Variants in DDIT4 observed in about 807,000 individuals in gnomAD.
DDIT4 encodes DNA damage inducible transcript 4.
Under a neutral mutation model 20.2 loss-of-function variants are expected in DDIT4, and 20 were observed. That is an observed-to-expected ratio of 0.99 (90% CI 0.70 to 1.44). The LOEUF (loss-of-function observed/expected upper bound fraction) is 1.44, where lower values mean the gene tolerates loss of function less well. Among genes scored for constraint, DDIT4 ranks in the 40% most tolerant of loss-of-function variants. The pLI is 0.00. For missense variants in DDIT4, 316 were observed against 298.1 expected (o/e 1.06, Z -0.44); for synonymous variants, 152 against 144.6 (o/e 1.05, Z -0.37).
chr10:72,274,427 C>A lies in DDIT4; in HGVS notation c.205+6C>A. On this transcript the variant is annotated splice_donor_region_variant and intron_variant, in intron 2 of 2. Transcript: ENST00000307365. ...TGGCTTCGGGCCGGAGGAAGGTGAGCGGTGGGCGGGTGCCGACGCGACTCG... is the reference window on the plus strand; with the variant it reads ...TGGCTTCGGGCCGGAGGAAGGTGAGAGGTGGGCGGGTGCCGACGCGACTCG... 1.3e-6 allele frequency: 2 copies of A among 1,549,084 alleles called. No homozygotes were observed. The highest frequency in any genetic ancestry group is 1.7e-6 in the Non-Finnish European group (2 of 1,151,002).
chr10:72,274,647 C>G (rs765574596), intron 2 of DDIT4, 48 bp from the exon 3 acceptor site: 1 of 1,544,956 alleles, frequency 6.5e-7, no homozygotes, highest in Admixed American at 2.0e-5. Context: ...CTGTGCGTTT[C>G]GTTTTGAAGC....
At position 72,274,000 on chromosome 10, in the gene DDIT4, C is replaced by CATT; in HGVS notation, c.-120_-119insTTA. 1 of 479,108 alleles carries CATT rather than the reference C, an allele frequency of 2.1e-6. No homozygotes were observed. The highest frequency in any genetic ancestry group is 3.7e-6 in the Non-Finnish European group (1 of 268,396). The allele number at this position is 479,108 out of a possible 1,614,324, so 29.7% of individuals were successfully genotyped here. A position where few individuals can be genotyped will look rare whatever the true frequency, so the allele number is the denominator to read the frequency against. The stretch of plus-strand genomic sequence containing the variant: ...GCTCTCGGTGGTTGGCACGGGTTCG[C>CATT]ACACCCATTCAAGCGGCAGGACGCA... On this transcript the variant is annotated 5_prime_UTR_variant, in exon 1 of 3. Transcript: ENST00000307365.
rs756710581 is a variant in DDIT4 at position 72,274,226 on chromosome 10, C to T, written c.10C>T (p.Leu4Phe). The T allele has an allele frequency of 3.0e-5, 49 of 1,613,540 alleles. No individual in the cohort carries two copies. The East Asian group carries it at 9.8e-4, about 32-fold the overall frequency. The part of the protein sequence containing the change: MPS[L>F]WDRFSSSSTS... ...GGCGTCTGTCCTCACCATGCCTAGC[C>T]TTTGGGACCGCTTCTCGTCGTCGTC... The change falls in exon 2 of 3, where the codon CTT becomes TTT. Residue 4 changes from leucine (L) to phenylalanine (F), a missense_variant. Coordinates refer to ENST00000307365, the MANE Select transcript of DDIT4 (RefSeq NM_019058.4).
rs1860806175 is a variant in DDIT4 at position 72,274,715 on chromosome 10, G to T, written c.226G>T (p.Val76Leu). ...TCCAGACACGGCTTACCTGGATGGG[G>T]TGTCGTTGCCCGACTTCGAGCTGCT... ...PEEDTAYLDG[V>L]SLPDFELLSD... The change falls in exon 3 of 3, where the codon GTG becomes TTG. Residue 76 changes from valine to leucine, a missense_variant. Coordinates refer to ENST00000307365, the MANE Select transcript of DDIT4 (RefSeq NM_019058.4). 5 of 1,610,984 alleles carry T rather than the reference G, an allele frequency of 3.1e-6. No individual in the cohort carries two copies. The highest frequency in any genetic ancestry group is 4.2e-6 in the Non-Finnish European group (5 of 1,177,974).
chr10:72,274,497 A>C (rs1273072523), intron 2 of DDIT4, 76 bp downstream of exon 2: 8 of 1,457,276 alleles, frequency 5.5e-6, no homozygotes, highest in Non-Finnish European at 7.3e-6. Context: ...AAGGGGTCAG[A>C]GCCGCCTTGG....
chr10:72,275,208 G>T lies in DDIT4; in HGVS notation c.*20G>T. On this transcript the variant is annotated 3_prime_UTR_variant, in exon 3 of 3. Transcript: ENST00000307365. ...TGTTGAACTTCAACCTGAGGGGGCC[G>T]ACAGTGCCCTCCAAGACAGAGACGA... 1 of 1,594,604 alleles carries T rather than the reference G, an allele frequency of 6.3e-7. No homozygotes were observed. The highest frequency in any genetic ancestry group is 1.7e-4 in the Middle Eastern group (1 of 6,006).
At position 72,274,005 on chromosome 10, in the gene DDIT4, C is replaced by T; in HGVS notation, c.-116C>T. ...CGGTGGTTGGCACGGGTTCGCACACCCATTCAAGCGGCAGGACGCACTTGT... is the reference window on the plus strand; with the variant it reads ...CGGTGGTTGGCACGGGTTCGCACACTCATTCAAGCGGCAGGACGCACTTGT... On this transcript the variant is annotated 5_prime_UTR_variant, in exon 1 of 3. Transcript: ENST00000307365. The T allele has an allele frequency of 1.7e-6, 1 of 590,086 alleles. No individual in the cohort carries two copies. Among genetic ancestry groups the T allele is most frequent in the East Asian group, 2.9e-5 (1 of 34,884 alleles). 36.6% of individuals were successfully genotyped at this position (590,086 alleles called of 1,614,324 possible). A position where few individuals can be genotyped will look rare whatever the true frequency, so the allele number is the denominator to read the frequency against.
Position 72,274,341 on chromosome 10 carries a change from G to A in DDIT4, c.125G>A (p.Gly42Glu), listed in dbSNP as rs754812743. The change falls in exon 2 of 3, where the codon GGG becomes GAG. Residue 42 changes from glycine (G) to glutamate (E), a missense_variant. Physicochemically the swap from Gly to Glu is moderately conservative, Grantham distance 98 (BLOSUM62 -2). Coordinates refer to ENST00000307365, the MANE Select transcript of DDIT4 (RefSeq NM_019058.4). ...SAWGSATREE[G>E]FDRSTSLESS... ...TGGGGGTCGGCGACCCGGGAGGAGG[G>A]GTTTGACCGCTCCACGAGCCTGGAG... 2.5e-6 allele frequency: 4 copies of A among 1,611,714 alleles called. No individual in the cohort carries two copies. The African/African-American group carries it at 4.0e-5, about 16-fold the overall frequency.
In DDIT4 at chr10:72,274,634, C is replaced by T. The variant is rs1000527268; in HGVS notation, c.206-61C>T. On this transcript the variant is annotated intron_variant, in intron 2 of 2. Transcript: ENST00000307365. ...TTTCTTAAGGAAACAGCACCTCCCC[C>T]GCCTGTGCGTTTCGTTTTGAAGCCG... The T allele has an allele frequency of 3.9e-6, 6 of 1,535,350 alleles. No individual in the cohort carries two copies. In the East Asian group the frequency reaches 6.8e-5, roughly 17 times the overall value.
In DDIT4 at chr10:72,274,285, TC is replaced by T; in HGVS notation, c.72del (p.Thr25ProfsTer72). 6.2e-7 allele frequency: 1 copy of T among 1,613,404 alleles called. No homozygotes were observed. Among genetic ancestry groups the T allele is most frequent in the Non-Finnish European group, 8.5e-7 (1 of 1,179,948 alleles). Reference sequence around the variant, plus strand: ...CTTCGCCCTCGTCCTTGCCCCGAACTCCCACCCCAGATCGGCCGCCGCGCTC... The same window carrying T: ...CTTCGCCCTCGTCCTTGCCCCGAACTCCACCCCAGATCGGCCGCCGCGCTC... ...SSSPSSLPRT[P>X]TPDRPPRSAW... On this transcript the variant is annotated frameshift_variant, in exon 2 of 3. Coordinates refer to ENST00000307365, the MANE Select transcript of DDIT4 (RefSeq NM_019058.4). LOFTEE classifies it high-confidence loss of function.
Position 72,273,994 on chromosome 10 carries a change from GGTT to G in DDIT4, c.-126_-124del. On this transcript the variant is annotated 5_prime_UTR_variant, in exon 1 of 3. Coordinates refer to ENST00000307365, the MANE Select transcript of DDIT4 (RefSeq NM_019058.4). ...TGGGCGGCTCTCGGTGGTTGGCACG[GGTT>G]CGCACACCCATTCAAGCGGCAGGAC... The G allele has an allele frequency of 1.7e-5, 8 of 473,120 alleles. No homozygotes were observed. The highest frequency in any genetic ancestry group is 3.0e-5 in the South Asian group (1 of 32,954). The allele number at this position is 473,120 out of a possible 1,614,324, so 29.3% of individuals were successfully genotyped here.
In DDIT4 at chr10:72,275,268, T is replaced by G; in HGVS notation, c.*80T>G. 4 of 1,466,762 alleles carry G rather than the reference T, an allele frequency of 2.7e-6. No homozygotes were observed. The highest frequency in any genetic ancestry group is 3.6e-6 in the Non-Finnish European group (4 of 1,098,476). 90.9% of individuals were successfully genotyped at this position (1,466,762 alleles called of 1,614,324 possible). ...TGGGGTGGAGACTAGAGGCAGGAGC[T>G]GAGGGACTGATTCCTGTGGTTGGAA... On this transcript the variant is annotated 3_prime_UTR_variant, in exon 3 of 3. Coordinates refer to ENST00000307365, the MANE Select transcript of DDIT4 (RefSeq NM_019058.4).
In DDIT4 at chr10:72,274,359, G is replaced by A; in HGVS notation, c.143G>A (p.Ser48Asn). The A allele has an allele frequency of 6.2e-7, 1 of 1,609,678 alleles. No homozygotes were observed. Among genetic ancestry groups the A allele is most frequent in the Non-Finnish European group, 8.5e-7 (1 of 1,178,934 alleles). ...GAGGAGGGGTTTGACCGCTCCACGAGCCTGGAGAGCTCGGACTGCGAGTCC... is the reference window on the plus strand; with the variant it reads ...GAGGAGGGGTTTGACCGCTCCACGAACCTGGAGAGCTCGGACTGCGAGTCC... The part of the protein sequence containing the change: ...TREEGFDRST[S>N]LESSDCESLD... The change falls in exon 2 of 3, where the codon AGC (serine) becomes AAC (asparagine). Residue 48 changes from serine (S) to asparagine (N), a missense_variant. Ser to Asn is a conservative substitution (Grantham distance 46). Coordinates refer to ENST00000307365, the MANE Select transcript of DDIT4 (RefSeq NM_019058.4).
At position 72,275,176 on chromosome 10, in the gene DDIT4, TGAG is replaced by T; in HGVS notation, c.691_693del (p.Glu231del). On this transcript the variant is annotated inframe_deletion, in exon 3 of 3. Coordinates refer to ENST00000307365, the MANE Select transcript of DDIT4 (RefSeq NM_019058.4). ...TGTACAGCTCGGAACAGCTGCTCAT[TGAG>T]GAGTGTTGAACTTCAACCTGAGGGG... The T allele has an allele frequency of 6.2e-7, 1 of 1,609,600 alleles. No homozygotes were observed. Among genetic ancestry groups the T allele is most frequent in the Non-Finnish European group, 8.5e-7 (1 of 1,179,674 alleles).
In DDIT4 at chr10:72,275,407, T is replaced by A; in HGVS notation, c.*219T>A. The A allele has an allele frequency of 1.8e-6, 1 of 566,790 alleles. No individual in the cohort carries two copies. The highest frequency in any genetic ancestry group is 2.3e-5 in the South Asian group (1 of 44,372). 35.1% of individuals were successfully genotyped at this position (566,790 alleles called of 1,614,324 possible). A position where few individuals can be genotyped will look rare whatever the true frequency, so the allele number is the denominator to read the frequency against. ...ACACATACCCCTCAGTACTGTAGCA[T>A]GAAACAAAGGCTTAGGGGCCAACAA... On this transcript the variant is annotated 3_prime_UTR_variant, in exon 3 of 3. Coordinates refer to ENST00000307365, the MANE Select transcript of DDIT4 (RefSeq NM_019058.4).
At position 72,274,989 on chromosome 10, in the gene DDIT4, C is replaced by T; in HGVS notation, c.500C>T (p.Pro167Leu). ...CHSVGQLALD[P>L]SLVPTFQLTL... ...AGCGTGGGCCAGCTGGCACTCGACCCCAGCCTGGTGCCCACCTTCCAGCTG... is the reference window on the plus strand; with the variant it reads ...AGCGTGGGCCAGCTGGCACTCGACCTCAGCCTGGTGCCCACCTTCCAGCTG... Residue 167 changes from proline (P) to leucine (L), a missense_variant, in exon 3 of 3, where the codon CCC (proline) becomes CTC (leucine). Physicochemically the swap from Pro to Leu is moderately conservative, Grantham distance 98 (BLOSUM62 -3). Transcript: ENST00000307365. The T allele has an allele frequency of 6.2e-7, 1 of 1,613,352 alleles. No homozygotes were observed. Among genetic ancestry groups the T allele is most frequent in the Non-Finnish European group, 8.5e-7 (1 of 1,179,986 alleles).
At chr10:72,274,478 C>G in intron 2 of DDIT4, 57 bp downstream of exon 2, 1 of 1,493,364 alleles carries the variant, frequency 6.7e-7, no homozygotes, top group East Asian at 2.3e-5. Context: ...GGGGAAGCCC[C>G]GGTGCTGGAA....
Position 72,274,279 on chromosome 10 carries a change from C to T in DDIT4, c.63C>T (p.Pro21=), listed in dbSNP as rs752960663. ...SSTSSSPSSL[P]RTPTPDRPPR... Reference sequence around the variant, plus strand: ...CCTCCTCTTCGCCCTCGTCCTTGCCCCGAACTCCCACCCCAGATCGGCCGC... The same window carrying T: ...CCTCCTCTTCGCCCTCGTCCTTGCCTCGAACTCCCACCCCAGATCGGCCGC... Residue 21 remains proline (P), a synonymous_variant, in exon 2 of 3, where the codon CCC becomes CCT. Coordinates refer to ENST00000307365, the MANE Select transcript of DDIT4 (RefSeq NM_019058.4). The T allele has an allele frequency of 6.8e-6, 11 of 1,613,632 alleles. No homozygotes were observed. In the South Asian group the frequency reaches 9.9e-5, roughly 14 times the overall value.
In DDIT4 at chr10:72,274,720, G is replaced by C. The variant is rs770060002; in HGVS notation, c.231G>C (p.Ser77=). 62 of 1,611,458 alleles carry C rather than the reference G, an allele frequency of 3.8e-5. No homozygotes were observed. Among genetic ancestry groups the C allele is most frequent in the Non-Finnish European group, 4.9e-5 (58 of 1,178,274 alleles). The part of the protein sequence containing the change: ...EEDTAYLDGV[S]LPDFELLSDP... ...ACACGGCTTACCTGGATGGGGTGTC[G>C]TTGCCCGACTTCGAGCTGCTCAGTG... Residue 77 remains serine (S), a synonymous_variant, in exon 3 of 3, where the codon TCG becomes TCC. Transcript: ENST00000307365.
Sources: gnomAD v4.1 joint callset for allele counts on GRCh38, gnomAD v4.1.1 for gene constraint, MANE v1.5 for transcripts, NCBI Gene and HGNC (gene_info 2026-07-23, HGNC 2026-07-21) for gene names.